The following BCOR variants were observed in gnomAD, a reference collection of about 807,000 sequenced individuals.
BCOR encodes BCL-6 corepressor.
Under a neutral mutation model 86.7 loss-of-function variants are expected in BCOR, and 10 were observed. That is an observed-to-expected ratio of 0.12 (90% confidence interval 0.07 to 0.20). The LOEUF (loss-of-function observed/expected upper bound fraction) is 0.20. Among genes scored for constraint, BCOR ranks in the 10% least tolerant of loss-of-function variants. BCOR has a pLI of 1.00. For missense variants in BCOR, 1,259 were observed against 1,452.1 expected (o/e 0.87, Z 2.16); for synonymous variants, 611 against 609.0 (o/e 1.00, Z -0.05).
chrX:40,149,619 C>T (rs1287283749), intron 1 of BCOR, among the ~76,000 whole-genome samples: 1 of 111,306 alleles, frequency 9.0e-6, no homozygotes, highest in Non-Finnish European at 1.9e-5. Context: ...GGTTTGTTTC[C>T]AAGCAGGGTA....
Position 40,072,742 on chromosome X carries a change from A to C in BCOR, c.2604T>G (p.Thr868=), listed in dbSNP as rs1369749581. 4.1e-6 allele frequency: 5 copies of C among 1,210,022 alleles called. No individual in the cohort carries two copies. Among genetic ancestry groups the C allele is most frequent in the African/African-American group, 1.8e-5 (1 of 57,125 alleles). The change falls in exon 4 of 15, where the codon ACT becomes ACG. Residue 868 remains threonine, a synonymous_variant. Transcript: ENST00000378444. The part of the protein sequence containing the change: ...ELGRISDFHE[T]YTFKQPVFTV... ...TGAAGACTGGCTGTTTGAAAGTATA[A>C]GTTTCGTGGAAGTCACTGATGCGCC...
chrX:40,101,656 C>T (rs1937076759), upstream of BCOR, among the ~76,000 whole-genome samples: 1 of 112,895 alleles, frequency 8.9e-6, no homozygotes. Context: ...GCCTCTCCCA[C>T]ACACCTCCAG....
chrX:40,170,994 A>G (rs1217058537), intron 1 of BCOR, among the ~76,000 whole-genome samples: 2 of 111,574 alleles, frequency 1.8e-5, no homozygotes, highest in Non-Finnish European at 3.8e-5. Context: ...AACCCATCCG[A>G]GGGGGACAGA....
chrX:40,158,666 G>A (rs967681770), intron 1 of BCOR, among the ~76,000 whole-genome samples: 3 of 113,070 alleles, frequency 2.7e-5, no homozygotes, highest in Non-Finnish European at 5.6e-5. Context: ...GCAACCTGCC[G>A]AGGCAGCTGG....
intron 1 of BCOR, among the ~76,000 whole-genome samples, chrX:40,153,853 C>A (rs1394689798): frequency 1.8e-5 from 2 of 111,544 alleles, no homozygotes; most frequent in African/African-American, 6.5e-5. Flanking sequence ...GGACTCGGAG[C>A]CGCAGCGAGA....
At position 40,054,034 on chromosome X, in the gene BCOR, C is replaced by G; in HGVS notation, c.4828G>C (p.Asp1610His). The change falls in exon 14 of 15, where the codon GAT becomes CAT. Residue 1610 changes from aspartate to histidine, a missense_variant. Asp to His is a moderately conservative substitution (Grantham distance 81). Coordinates refer to ENST00000378444, the MANE Select transcript of BCOR (RefSeq NM_001123385.2). Reference sequence around the variant, plus strand: ...GCTAAAACATCATAGCCACTTTCATCATCTGGTTCTAATGGAGGGCAAATA... The same window carrying G: ...GCTAAAACATCATAGCCACTTTCATGATCTGGTTCTAATGGAGGGCAAATA... ...FYGSSVCEPD[D>H]ESGYDVLANP... 1.7e-6 allele frequency: 2 copies of G among 1,211,200 alleles called. No homozygotes were observed. The highest frequency in any genetic ancestry group is 2.2e-6 in the Non-Finnish European group (2 of 895,102).
rs2147075676 is a variant in BCOR at position 40,064,356 on chromosome X, T to C, written c.3482A>G (p.Lys1161Arg). The C allele has an allele frequency of 8.2e-7, 1 of 1,212,230 alleles. No homozygotes were observed. The highest frequency in any genetic ancestry group is 1.1e-6 in the Non-Finnish European group (1 of 895,595). Residue 1161 changes from lysine to arginine, a missense_variant, in exon 7 of 15, where the codon AAA becomes AGA. Lys to Arg is a conservative substitution (Grantham distance 26, BLOSUM62 2). Coordinates refer to ENST00000378444, the MANE Select transcript of BCOR (RefSeq NM_001123385.2). ...EVPEDPLLKA[K>R]RRRVSKDDWP... ...CTCACCTTTAGAGACTCGTCGGCGT[T>C]TGGCTTTCAGCAGAGGGTCCTCTGG... is the stretch of plus-strand genomic sequence containing the variant.
At chrX:40,145,422 G>C (rs1938024900) in intron 1 of BCOR, among the ~76,000 whole-genome samples, 1 of 111,121 alleles carries the variant, frequency 9.0e-6, no homozygotes, top group African/African-American at 3.3e-5. Flanking sequence ...CAGCCAAGCC[G>C]AGAAGGCTGA....
At chrX:40,094,154 A>T (rs1462820109) in intron 1 of BCOR, among the ~76,000 whole-genome samples, 7 of 109,846 alleles carry the variant, frequency 6.4e-5, no homozygotes, top group African/African-American at 2.3e-4. Flanking sequence ...GTTAAGAGAA[A>T]CCCCCACGGC....
At chrX:40,130,309 C>T (rs1937589306) in intron 1 of BCOR, among the ~76,000 whole-genome samples, 1 of 111,878 alleles carries the variant, frequency 8.9e-6, no homozygotes, top group Admixed American at 9.5e-5. Context: ...GGGAGGGCAG[C>T]CTGCACTATG....
intron 1 of BCOR, among the ~76,000 whole-genome samples, chrX:40,096,789 T>C (rs1936898822): frequency 8.9e-6 from 1 of 111,960 alleles, no homozygotes; most frequent in African/African-American, 3.2e-5. Flanking sequence ...TGCCCTCCCC[T>C]TCCTGCTCGC....
At chrX:40,116,063 C>G (rs912773580) in intron 1 of BCOR, among the ~76,000 whole-genome samples, 3 of 111,449 alleles carry the variant, frequency 2.7e-5, no homozygotes, top group African/African-American at 9.8e-5. Flanking sequence ...CAGAAGAGCT[C>G]TTGGGATTTG....
At chrX:40,171,871 G>A (rs1312573351) in intron 1 of BCOR, among the ~76,000 whole-genome samples, 5 of 113,192 alleles carry the variant, frequency 4.4e-5, no homozygotes, top group Non-Finnish European at 7.5e-5. Context: ...TTCCGGGAAA[G>A]GCGTGTGTTC....
chrX:40,139,808 C>CAA (rs5902253), intron 1 of BCOR, among the ~76,000 whole-genome samples: 30 of 83,072 alleles, frequency 3.6e-4, no homozygotes, highest in African/African-American at 5.4e-4. Flanking sequence ...GAGACTGTCT[C>CAA]AAAAAAAAAA....
chrX:40,106,948 C>G (rs777189138), intron 1 of BCOR, among the ~76,000 whole-genome samples: 1 of 110,535 alleles, frequency 9.0e-6, no homozygotes, highest in Admixed American at 9.5e-5. Context: ...AGGTCTGGGC[C>G]ACAGAGACTG....
chrX:40,119,189 C>G (rs1937444295), intron 1 of BCOR, among the ~76,000 whole-genome samples: 1 of 110,505 alleles, frequency 9.0e-6, no homozygotes, highest in Admixed American at 9.7e-5. Context: ...TGAAAAGAAG[C>G]CAGCCTCAAA....
chrX:40,068,377 T>C (rs776604546), intron 6 of BCOR, among the ~76,000 whole-genome samples: 18 of 112,243 alleles, frequency 1.6e-4, no homozygotes, highest in Non-Finnish European at 2.8e-4. Flanking sequence ...GCATTGGTAG[T>C]CATCTGTCTG....
intron 1 of BCOR, among the ~76,000 whole-genome samples, chrX:40,130,482 C>A (rs1204709513): frequency 8.9e-6 from 1 of 112,265 alleles, no homozygotes; most frequent in Non-Finnish European, 1.9e-5. Flanking sequence ...ATTTTTAGCC[C>A]TTGGCTAGGT....
At chrX:40,149,546 A>G (rs1938129111) in intron 1 of BCOR, among the ~76,000 whole-genome samples, 1 of 111,482 alleles carries the variant, frequency 9.0e-6, no homozygotes, top group South Asian at 3.7e-4. Flanking sequence ...AGCTAAAGGG[A>G]AGCCAAAGGA....
Sources: allele counts gnomAD v4.1 joint callset (sites outside exome capture counted in the v4.1 genomes callset), GRCh38; gene constraint gnomAD v4.1.1; transcripts MANE v1.5; gene names NCBI Gene and HGNC (gene_info 2026-07-23, HGNC 2026-07-21).